The following RBBP4 variants were observed in gnomAD, a reference collection of about 807,000 sequenced individuals.
RBBP4 encodes the protein histone-binding protein RBBP4.
A neutral mutation model predicts 57.2 loss-of-function variants in RBBP4; 3 were observed. That is an observed-to-expected ratio of 0.05 (90% confidence interval 0.02 to 0.14). The LOEUF (loss-of-function observed/expected upper bound fraction) is 0.14. Among genes scored for constraint, RBBP4 ranks in the 10% least tolerant of loss-of-function variants. The probability of loss-of-function intolerance (pLI) is 1.00; values close to 1 mark genes in which losing one functional copy is unlikely to be tolerated. For synonymous variants in RBBP4, 151 were observed against 171.5 expected (o/e 0.88, Z 0.93); for missense variants, 107 against 520.6 (o/e 0.21, Z 7.73).
chr1:32,658,222 A>G (rs910445914), intron 3 of RBBP4, among the ~76,000 whole-genome samples: 2 of 152,126 alleles, frequency 1.3e-5, no homozygotes, highest in African/African-American at 2.4e-5. Context: ...TGTGTATGTG[A>G]GTAGGTGTAA....
chr1:32,675,976 A>G (rs1570871549), intron 11 of RBBP4, among the ~76,000 whole-genome samples: 1 of 150,686 alleles, frequency 6.6e-6, no homozygotes, highest in Non-Finnish European at 1.5e-5. Flanking sequence ...GATCCCAGCT[A>G]CTTGGGAGGC....
In RBBP4 at chr1:32,680,069, G is replaced by A; in HGVS notation, c.*364G>A. The stretch of plus-strand genomic sequence containing the variant: ...GTAAGGAATAGAGCCAAATGAGGTA[G>A]GTGTCTGAGCCATGAAGTATAAATA... On this transcript the variant is annotated 3_prime_UTR_variant, in exon 12 of 12. Transcript: ENST00000373493. 1 of 1,073,096 alleles carries A rather than the reference G, an allele frequency of 9.3e-7. No individual in the cohort carries two copies. Among genetic ancestry groups the A allele is most frequent in the South Asian group, 3.5e-5 (1 of 28,320 alleles). 66.5% of individuals were successfully genotyped at this position (1,073,096 alleles called of 1,614,324 possible). A position where few individuals can be genotyped will look rare whatever the true frequency, so the allele number is the denominator to read the frequency against.
chr1:32,676,572 A>G (rs557950682), intron 11 of RBBP4, among the ~76,000 whole-genome samples: 16 of 149,800 alleles, frequency 1.1e-4, no homozygotes, highest in Admixed American at 2.0e-4. Context: ...AGATCGCACC[A>G]TTGCACTCGA....
At chr1:32,676,729 T>C (rs770903628) in intron 11 of RBBP4, among the ~76,000 whole-genome samples, 1 of 152,116 alleles carries the variant, frequency 6.6e-6, no homozygotes, top group Non-Finnish European at 1.5e-5. Context: ...ATGTGTAACT[T>C]GAAAACAGAA....
chr1:32,675,447 A>G (rs1166979166), intron 11 of RBBP4, among the ~76,000 whole-genome samples: 1 of 151,896 alleles, frequency 6.6e-6, no homozygotes, highest in African/African-American at 2.4e-5. Context: ...TACCATCACA[A>G]CATTCATACT....
chr1:32,671,466 C>A (rs1174928150), intron 8 of RBBP4, among the ~76,000 whole-genome samples: 2 of 152,022 alleles, frequency 1.3e-5, no homozygotes, highest in African/African-American at 4.8e-5. Flanking sequence ...GCCTGTAATC[C>A]CAGCTACTTA....
At chr1:32,658,831 A>T (rs907210140) in intron 3 of RBBP4, among the ~76,000 whole-genome samples, 1 of 151,632 alleles carries the variant, frequency 6.6e-6, no homozygotes, top group African/African-American at 2.4e-5. Flanking sequence ...AAATACTCTG[A>T]TTGGTAGTGT....
At position 32,681,872 on chromosome 1, in the gene RBBP4, A is replaced by G. The variant is rs756980505; in HGVS notation, c.*2167A>G. 3 of 1,613,844 alleles carry G rather than the reference A, an allele frequency of 1.9e-6. No individual in the cohort carries two copies. Among genetic ancestry groups the G allele is most frequent in the Non-Finnish European group, 2.5e-6 (3 of 1,179,726 alleles). ...TTTCTAAACAGCCCCTGTAAAGTTG[A>G]AAGAAAAAGTTTATAACAGTGAACT... On this transcript the variant is annotated 3_prime_UTR_variant, in exon 12 of 12. Transcript: ENST00000373493.
intron 11 of RBBP4, among the ~76,000 whole-genome samples, chr1:32,677,082 C>T (rs1012257179): frequency 1.3e-5 from 2 of 152,168 alleles, no homozygotes; most frequent in African/African-American, 4.8e-5. Context: ...CAGTTCTTGG[C>T]ACAGAGCTCT....
At chr1:32,668,704 G>C (rs1378364637) in intron 4 of RBBP4, 35 bp from the exon 5 acceptor site, 6 of 1,544,378 alleles carry the variant, frequency 3.9e-6, no homozygotes, top group Non-Finnish European at 5.4e-6. Context: ...AGAGCCAGTG[G>C]ACTGGGTAGT....
chr1:32,673,070 A>G (rs1648942019), intron 11 of RBBP4, among the ~76,000 whole-genome samples, 169 bp downstream of exon 11: 1 of 152,146 alleles, frequency 6.6e-6, no homozygotes, highest in Non-Finnish European at 1.5e-5. Context: ...TCTTGACTGT[A>G]TTTGGTCATA....
At chr1:32,672,182 G>A (rs1648907882) in intron 8 of RBBP4, among the ~76,000 whole-genome samples, 1 of 151,882 alleles carries the variant, frequency 6.6e-6, no homozygotes, top group South Asian at 2.1e-4. Flanking sequence ...TAGAGACAGT[G>A]TTTCACCATG....
chr1:32,655,213 G>A (rs1011994373), intron 2 of RBBP4, among the ~76,000 whole-genome samples: 4 of 151,970 alleles, frequency 2.6e-5, no homozygotes, highest in African/African-American at 7.3e-5. Context: ...CTGGGCTCCA[G>A]TGATCCTCCC....
In RBBP4 at chr1:32,668,462, G is replaced by GT; in HGVS notation, c.484+65dup. 2.8e-6 allele frequency: 4 copies of GT among 1,436,836 alleles called. No homozygotes were observed. The South Asian group carries it at 5.0e-5, about 18-fold the overall frequency. The allele number at this position is 1,436,836 out of a possible 1,614,324, so 89.0% of individuals were successfully genotyped here. A position where few individuals can be genotyped will look rare whatever the true frequency, so the allele number is the denominator to read the frequency against. The stretch of plus-strand genomic sequence containing the variant: ...ATAGAAATACATGGTTCCACTCACT[G>GT]TGAGTTTAATTGCATGTTACTCTGT... On this transcript the variant is annotated intron_variant, in intron 4 of 11. Transcript: ENST00000373493.
Position 32,651,514 on chromosome 1 carries a change from TGGCGAA to T in RBBP4, c.16+194_16+199del, listed in dbSNP as rs1275623975. 2.2e-6 allele frequency: 3 copies of T among 1,339,970 alleles called. No individual in the cohort carries two copies. In the African/African-American group the frequency reaches 4.6e-5, roughly 20 times the overall value. The allele number at this position is 1,339,970 out of a possible 1,614,324, so 83.0% of individuals were successfully genotyped here. A position where few individuals can be genotyped will look rare whatever the true frequency, so the allele number is the denominator to read the frequency against. On this transcript the variant is annotated intron_variant, in intron 1 of 11. Transcript: ENST00000373493. ...CCCTGGGACCGATTTCGGTCGCAGC[TGGCGAA>T]GCCAGCGGTGGGGCCCCCGGCCAGT...
intron 3 of RBBP4, among the ~76,000 whole-genome samples, chr1:32,667,018 C>A (rs1219927834): frequency 6.6e-6 from 1 of 152,184 alleles, no homozygotes; most frequent in East Asian, 1.9e-4. Context: ...CAAGCGGTAA[C>A]ACCATTGCCT....
chr1:32,653,534 T>A (rs1647983039), intron 2 of RBBP4, among the ~76,000 whole-genome samples: 1 of 146,204 alleles, frequency 6.8e-6, no homozygotes, highest in Non-Finnish European at 1.5e-5. Context: ...TACAGTGGCA[T>A]AAGGAAAAAT....
At chr1:32,651,592 C>T (rs1647667749) in intron 1 of RBBP4, 5 of 977,756 alleles carry the variant, frequency 5.1e-6, no homozygotes, top group Non-Finnish European at 7.1e-6. Flanking sequence ...GGCCTCTGTC[C>T]CGAGCGTGGG....
At chr1:32,659,067 T>C (rs915894158) in intron 3 of RBBP4, among the ~76,000 whole-genome samples, 1 of 146,536 alleles carries the variant, frequency 6.8e-6, no homozygotes, top group Admixed American at 6.8e-5. Context: ...ATATAAATTA[T>C]ATATGTAAAA....
Sources: allele counts gnomAD v4.1 joint callset (sites outside exome capture counted in the v4.1 genomes callset), GRCh38; gene constraint gnomAD v4.1.1; transcripts MANE v1.5; gene names NCBI Gene and HGNC (gene_info 2026-07-23, HGNC 2026-07-21).